PIGG: variants seen among roughly 807,000 people sequenced by gnomAD.
PIGG encodes the protein GPI ethanolamine phosphate transferase 2, catalytic subunit.
Under a neutral mutation model 83.2 loss-of-function variants are expected in PIGG, and 70 were observed. That is an observed-to-expected ratio of 0.84 (90% CI 0.69 to 1.03). The LOEUF (loss-of-function observed/expected upper bound fraction) is 1.03, where lower values mean the gene tolerates loss of function less well. Ranked by LOEUF, PIGG falls within the 50% of genes least tolerant of loss-of-function variation. The pLI is 0.00. For missense variants in PIGG, 1,257 were observed against 1,233.6 expected, an observed-to-expected ratio of 1.02 and a Z score of -0.28; for synonymous variants, 532 against 519.5, an observed-to-expected ratio of 1.02 and a Z score of -0.33.
chr4:519,028 G>A (rs566238146), intron 6 of PIGG, among the ~76,000 whole-genome samples: 90 of 152,060 alleles, frequency 5.9e-4, no homozygotes, highest in Admixed American at 2.4e-3. Context: ...TTTGCCTGGC[G>A]AATTCCTGGG....
intron 2 of PIGG, chr4:501,902 GCT>G (rs151059017): frequency 0.041 from 6,247 of 152,324 alleles, 173 homozygotes; most frequent in African/African-American, 0.08. Context: ...AGTGACAACT[GCT>G]CTGGAAGGAA....
intron 5 of PIGG, among the ~76,000 whole-genome samples, chr4:512,907 T>C (rs941502785): frequency 1.3e-5 from 2 of 152,100 alleles, no homozygotes; most frequent in Non-Finnish European, 2.9e-5. Context: ...GGGAAGGAGA[T>C]CGCATAATCC....
At chr4:534,398 AC>A (rs1364858565) in intron 12 of PIGG, among the ~76,000 whole-genome samples, 1 of 151,360 alleles carries the variant, frequency 6.6e-6, no homozygotes, top group Non-Finnish European at 1.5e-5. Flanking sequence ...GCCCCCAGAG[AC>A]CCTGCTGGAG....
chr4:511,598 T>C lies in PIGG; in HGVS notation c.901+2628T>C, dbSNP rs187161854. 3.7e-3 allele frequency among the ~76,000 whole-genome samples: 568 copies of C among 152,370 alleles called. 6 individuals are homozygous for C. Among genetic ancestry groups the C allele is most frequent in the Non-Finnish European group, 6.8e-3 (466 of 68,036 alleles). On this transcript the variant is annotated intron_variant, in intron 5 of 12. Coordinates refer to ENST00000453061, the MANE Select transcript of PIGG (RefSeq NM_001127178.3). ...GTTATAAACTGATGGCATAGTGATA[T>C]AGACATGGTTTTATATAATTGCTTT...
intron 4 of PIGG, among the ~76,000 whole-genome samples, 195 bp from the exon 5 acceptor site, chr4:508,634 C>T (rs541121161): frequency 6.6e-6 from 1 of 152,296 alleles, no homozygotes; most frequent in South Asian, 2.1e-4. Flanking sequence ...GTGTACAATT[C>T]TGTGAACTTC....
intron 9 of PIGG, among the ~76,000 whole-genome samples, chr4:526,218 G>A (rs764287896): frequency 5.3e-5 from 8 of 152,150 alleles, no homozygotes; most frequent in Admixed American, 2.6e-4. Context: ...GTAAAAACGC[G>A]TGCCATTTAA....
chr4:501,451 GA>G, intron 2 of PIGG: 1 of 302,740 alleles, frequency 3.3e-6, no homozygotes. Context: ...GGTGGGGACA[GA>G]AAGGAGCAGA....
rs199710198 is a variant in PIGG, at chr4:507,515, C to A, written c.681C>A (p.Pro227=). The A allele has an allele frequency of 6.2e-7, 1 of 1,614,176 alleles. No individual in the cohort carries two copies. The highest frequency in any genetic ancestry group is 1.7e-5 in the Admixed American group (1 of 60,016). Residue 227 remains proline (P), a synonymous_variant, in exon 4 of 13, where the codon CCC becomes CCA. Transcript: ENST00000453061. ...ACCACATTGGCCACATTTCAGGGCC[C>A]AACAGCCCCCTGATTGGGCAGAAGC... ...GLDHIGHISG[P]NSPLIGQKLS...
intron 3 of PIGG, chr4:506,839 A>G: frequency 2.2e-6 from 1 of 455,952 alleles, no homozygotes. Context: ...CCTCAGCTTC[A>G]TCATCCTGCT....
intron 5 of PIGG, among the ~76,000 whole-genome samples, chr4:509,336 G>A (rs1721037901): frequency 6.6e-6 from 1 of 152,150 alleles, no homozygotes; most frequent in Admixed American, 6.5e-5. Flanking sequence ...CTATTGAATA[G>A]CAGTGTCAAC....
Position 508,947 on chromosome 4 carries a change from G to A in PIGG, c.878G>A (p.Ser293Asn), listed in dbSNP as rs1553881609. The change falls in exon 5 of 13, where the codon AGT (serine) becomes AAT (asparagine). Residue 293 changes from serine to asparagine, a missense_variant. Ser to Asn is a conservative substitution (Grantham distance 46). Transcript: ENST00000453061. ...EEVNTPLILISSAFERKPGDI... is the reference protein window; with the variant it reads ...EEVNTPLILINSAFERKPGDI... ...GTGAATACACCTCTGATTTTAATCA[G>A]TTCTGCGTTTGAAAGGAAACCCGGT... The A allele has an allele frequency of 2.5e-6, 4 of 1,612,594 alleles. No homozygotes were observed. The highest frequency in any genetic ancestry group is 3.4e-6 in the Non-Finnish European group (4 of 1,179,410).
intron 5 of PIGG, among the ~76,000 whole-genome samples, chr4:514,578 C>T (rs1192030504): frequency 6.6e-6 from 1 of 152,176 alleles, no homozygotes; most frequent in Non-Finnish European, 1.5e-5. Flanking sequence ...TGTCTCAGAG[C>T]TACCAGTGCT....
chr4:521,244 A>G lies in PIGG; in HGVS notation c.1303A>G (p.Met435Val). 2 of 1,613,920 alleles carry G rather than the reference A, an allele frequency of 1.2e-6. No individual in the cohort carries two copies. Among genetic ancestry groups the G allele is most frequent in the Non-Finnish European group, 8.5e-7 (1 of 1,179,820 alleles). ...AQVAQYDIYSMMVGTVVVLEV... is the reference protein window; with the variant it reads ...AQVAQYDIYSVMVGTVVVLEV... ...AGTGGCCCAGTACGACATCTATTCG[A>G]TGATGGTGGGGACTGTCGTGGTTTT... The change falls in exon 7 of 13, where the codon ATG becomes GTG. Residue 435 changes from methionine (M) to valine (V), a missense_variant. By Grantham distance (21) the Met-to-Val change is conservative (BLOSUM62 1). Coordinates refer to ENST00000453061, the MANE Select transcript of PIGG (RefSeq NM_001127178.3).
In PIGG at chr4:507,447, A is replaced by G; in HGVS notation, c.613A>G (p.Arg205Gly). The G allele has an allele frequency of 6.2e-7, 1 of 1,614,066 alleles. No homozygotes were observed. Among genetic ancestry groups the G allele is most frequent in the Non-Finnish European group, 8.5e-7 (1 of 1,179,918 alleles). Reference sequence around the variant, plus strand: ...GAGGCATTTGGATAAAGTATTAAAAAGAGGAGATTGGGACATATTAATCCT... The same window carrying G: ...GAGGCATTTGGATAAAGTATTAAAAGGAGGAGATTGGGACATATTAATCCT... The part of the protein sequence containing the change: ...VTRHLDKVLK[R>G]GDWDILILHY... The change falls in exon 4 of 13, where the codon AGA becomes GGA. Residue 205 changes from arginine to glycine, a missense_variant. By Grantham distance (125) the Arg-to-Gly change is moderately radical. Transcript: ENST00000453061.
chr4:508,250 C>T (rs1475147537), intron 4 of PIGG, among the ~76,000 whole-genome samples: 1 of 152,156 alleles, frequency 6.6e-6, no homozygotes, highest in Non-Finnish European at 1.5e-5. Flanking sequence ...AAGACGTGTG[C>T]AGGGTGAGCA....
intron 5 of PIGG, among the ~76,000 whole-genome samples, chr4:512,460 C>A (rs1479158734): frequency 1.3e-5 from 2 of 151,810 alleles, no homozygotes; most frequent in African/African-American, 4.8e-5. Context: ...TGTGATCTGC[C>A]CACCTCGGCC....
In PIGG at chr4:528,420, G is replaced by A. The variant is rs1728239810; in HGVS notation, c.2261+1190G>A. 1 of 985,208 alleles carries A rather than the reference G, an allele frequency of 1.0e-6. No individual in the cohort carries two copies. Among genetic ancestry groups the A allele is most frequent in the Non-Finnish European group, 1.2e-6 (1 of 829,712 alleles). 61.0% of individuals were successfully genotyped at this position (985,208 alleles called of 1,614,324 possible). On this transcript the variant is annotated intron_variant, in intron 10 of 12. Coordinates refer to ENST00000453061, the MANE Select transcript of PIGG (RefSeq NM_001127178.3). This position sits in a 1 kb window ranked among gnomAD's most constrained non-coding sequence, Gnocchi z 4.8. Reference sequence around the variant, plus strand: ...CTGCTGAGGGCTGTGGCCAGCCTGAGGGGTGGCCGTGGGGCTCCGGGGGCA... The same window carrying A: ...CTGCTGAGGGCTGTGGCCAGCCTGAAGGGTGGCCGTGGGGCTCCGGGGGCA...
In PIGG at chr4:523,745, A is replaced by G; in HGVS notation, c.1901A>G (p.Asp634Gly). The change falls in exon 9 of 13, where the codon GAC becomes GGC. Residue 634 changes from aspartate to glycine, a missense_variant. Transcript: ENST00000453061. Reference sequence around the variant, plus strand: ...CCTGGCTGTGATGTCCTGGAGCGAGACAAAGGCCACGGAAGCCCCTCTACC... The same window carrying G: ...CCTGGCTGTGATGTCCTGGAGCGAGGCAAAGGCCACGGAAGCCCCTCTACC... ...DGPGCDVLER[D>G]KGHGSPSTSE... 2.5e-6 allele frequency: 4 copies of G among 1,614,100 alleles called. No individual in the cohort carries two copies. Among genetic ancestry groups the G allele is most frequent in the Non-Finnish European group, 3.4e-6 (4 of 1,180,038 alleles).
rs1360531484 is a variant in PIGG at position 515,052 on chromosome 4, T to A, written c.902-921T>A. On this transcript the variant is annotated intron_variant, in intron 5 of 12. Transcript: ENST00000453061. The surrounding 1 kb of genome is among the most constrained non-coding windows in gnomAD (Gnocchi z 4.2). ...ATTAGAGAGTTGGCCAAGACCTGAT[T>A]AATAAATTTGACCAAATTAAAAACT... is the stretch of plus-strand genomic sequence containing the variant. 6.6e-6 allele frequency among the ~76,000 whole-genome samples: 1 copy of A among 152,224 alleles called. No homozygotes were observed. The highest frequency in any genetic ancestry group is 1.5e-5 in the Non-Finnish European group (1 of 68,038).
Sources: gnomAD v4.1 joint callset for allele counts (sites outside exome capture counted in the v4.1 genomes callset) on GRCh38, gnomAD v4.1.1 for gene constraint, Gnocchi (gnomAD v3.1) non-coding constraint, MANE v1.5 for transcripts, NCBI Gene and HGNC (gene_info 2026-07-23, HGNC 2026-07-21) for gene names.